SPATA6L: variants seen among roughly 807,000 people sequenced by gnomAD.
The protein encoded by SPATA6L is spermatogenesis associated 6-like protein.
Under a neutral mutation model 49.2 loss-of-function variants are expected in SPATA6L, and 68 were observed. That is an observed-to-expected ratio of 1.38 (90% CI 1.14 to 1.69). The LOEUF is 1.69. Among genes scored for constraint, SPATA6L ranks in the 40% most tolerant of loss-of-function variants. The pLI is 0.00. For missense variants in SPATA6L, 668 were observed against 464.3 expected, an observed-to-expected ratio of 1.44 and a Z score of -4.03; for synonymous variants, 198 against 165.7, an observed-to-expected ratio of 1.19 and a Z score of -1.50.
rs1822686116 is a variant in SPATA6L, at chr9:4,599,294, G to A, written c.*1517C>T. 6.6e-6 allele frequency among the ~76,000 whole-genome samples: 1 copy of A among 152,098 alleles called. No individual in the cohort carries two copies. The highest frequency in any genetic ancestry group is 2.1e-4 in the South Asian group (1 of 4,820). On this transcript the variant is annotated 3_prime_UTR_variant, in exon 12 of 12. Transcript: ENST00000682582. ...ATTTTTAGATTGGGAGGTTCAACTT[G>A]GATATACCTTTATTTGGCTGAAATT... is the stretch of plus-strand genomic sequence containing the variant.
At chr9:4,614,368 G>C (rs1474485147) in intron 9 of SPATA6L, among the ~76,000 whole-genome samples, 1 of 152,160 alleles carries the variant, frequency 6.6e-6, no homozygotes, top group Non-Finnish European at 1.5e-5. Context: ...ACTGACTTCA[G>C]TATTAAGTTA....
In SPATA6L at chr9:4,655,935, T is replaced by C; in HGVS notation, c.226+106A>G. ...ACGTAGGCTGTCTTGAAATAAATAT[T>C]CATCAAACATGAACATATCACAGTT... is the stretch of plus-strand genomic sequence containing the variant. On this transcript the variant is annotated intron_variant, in intron 3 of 11. Coordinates refer to ENST00000682582, the MANE Select transcript of SPATA6L (RefSeq NM_001353486.2). 5.8e-6 allele frequency: 5 copies of C among 862,932 alleles called. No individual in the cohort carries two copies. The South Asian group carries it at 7.9e-5, about 14-fold the overall frequency. 53.5% of individuals were successfully genotyped at this position (862,932 alleles called of 1,614,324 possible). A position where few individuals can be genotyped will look rare whatever the true frequency, so the allele number is the denominator to read the frequency against.
chr9:4,592,573 C>T (rs1019023181), intron 13 of SPATA6L, among the ~76,000 whole-genome samples: 1 of 152,212 alleles, frequency 6.6e-6, no homozygotes, highest in East Asian at 1.9e-4. Flanking sequence ...TGTCACTGTT[C>T]TTCACCAGGC....
Position 4,635,391 on chromosome 9 carries a change from C to T in SPATA6L, c.235G>A (p.Glu79Lys). 1 of 1,580,192 alleles carries T rather than the reference C, an allele frequency of 6.3e-7. No individual in the cohort carries two copies. Among genetic ancestry groups the T allele is most frequent in the Non-Finnish European group, 8.5e-7 (1 of 1,169,768 alleles). ...AVVDLLEMWD[E>K]LAYYEENTRD... ...GTGTTTTCTTCGTAGTAGGCCAACT[C>T]ATCCCACACTAGAAAGAAAATAGAA... Residue 79 changes from glutamate (E) to lysine (K), a missense_variant, in exon 4 of 12, where the codon GAG becomes AAG. By Grantham distance (56) the Glu-to-Lys change is moderately conservative. Coordinates refer to ENST00000682582, the MANE Select transcript of SPATA6L (RefSeq NM_001353486.2).
downstream of SPATA6L, among the ~76,000 whole-genome samples, chr9:4,594,039 C>G (rs1005983769): frequency 2.4e-4 from 37 of 152,220 alleles, no homozygotes; most frequent in African/African-American, 8.4e-4. Context: ...TACAGCTGCC[C>G]TTGGTTTCTC....
At chr9:4,610,903 C>A (rs1157544370) in intron 9 of SPATA6L, among the ~76,000 whole-genome samples, 1 of 149,694 alleles carries the variant, frequency 6.7e-6, no homozygotes, top group Non-Finnish European at 1.5e-5. Flanking sequence ...ACTCATCTGA[C>A]AAAGGGCTAA....
chr9:4,638,219 A>T (rs1032087268), intron 3 of SPATA6L, among the ~76,000 whole-genome samples: 1 of 121,190 alleles, frequency 8.3e-6, no homozygotes, highest in Non-Finnish European at 1.6e-5. Context: ...TATTATTATT[A>T]TTATTTTTTG....
chr9:4,662,261 C>G lies in SPATA6L; in HGVS notation c.40-225G>C. The G allele has an allele frequency of 7.0e-7, 1 of 1,434,336 alleles. No homozygotes were observed. The highest frequency in any genetic ancestry group is 9.1e-7 in the Non-Finnish European group (1 of 1,099,640). The allele number at this position is 1,434,336 out of a possible 1,614,324, so 88.9% of individuals were successfully genotyped here. On this transcript the variant is annotated intron_variant, in intron 1 of 11. Coordinates refer to ENST00000682582, the MANE Select transcript of SPATA6L (RefSeq NM_001353486.2). This position sits in a 1 kb window ranked among gnomAD's most constrained non-coding sequence, Gnocchi z 4.9. ...CCACCAGGTGTCACAATCGCGCTCTCGCCGGCTCCTCTCCCCGCCCCTCCG... is the reference window on the plus strand; with the variant it reads ...CCACCAGGTGTCACAATCGCGCTCTGGCCGGCTCCTCTCCCCGCCCCTCCG...
intron 3 of SPATA6L, among the ~76,000 whole-genome samples, chr9:4,638,423 G>A (rs1222387967): frequency 6.6e-6 from 1 of 152,164 alleles, no homozygotes; most frequent in Non-Finnish European, 1.5e-5. Context: ...ACGTTGGCCA[G>A]GCTGCTCTGA....
At chr9:4,647,792 A>T (rs750573435) in intron 3 of SPATA6L, among the ~76,000 whole-genome samples, 4 of 152,014 alleles carry the variant, frequency 2.6e-5, no homozygotes, top group Non-Finnish European at 5.9e-5. Flanking sequence ...AAAATCAATA[A>T]AGATAATTCT....
downstream of SPATA6L, among the ~76,000 whole-genome samples, chr9:4,597,378 G>A (rs188305273): frequency 7.9e-5 from 12 of 151,168 alleles, no homozygotes; most frequent in East Asian, 1.9e-4. Context: ...ACGGTGGGGC[G>A]TGGGGGGTGA....
At position 4,607,646 on chromosome 9, in the gene SPATA6L, G is replaced by A. The variant is rs1466243083; in HGVS notation, c.996-2206C>T. 4.9e-4 allele frequency among the ~76,000 whole-genome samples: 74 copies of A among 151,896 alleles called. No homozygotes were observed. In the East Asian group the frequency reaches 5.8e-3, roughly 12 times the overall value. On this transcript the variant is annotated intron_variant, in intron 9 of 11. Transcript: ENST00000682582. ...CCCTAAAAGAGCTCCTGAAGGAAGC[G>A]CTAAACATGGAAAGGAACAACCGGT...
In SPATA6L at chr9:4,617,937, G is replaced by C. The variant is rs766221212; in HGVS notation, c.981C>G (p.Pro327=). Residue 327 remains proline, a synonymous_variant, in exon 9 of 12, where the codon CCC becomes CCG. Coordinates refer to ENST00000682582, the MANE Select transcript of SPATA6L (RefSeq NM_001353486.2). ...HSTSPGPLDQ[P]LLRERFHPGS... Reference sequence around the variant, plus strand: ...TTGCCACTGACCTTTCTCTGAGAAGGGGCTGATCCAAGGGGCCAGGAGAGG... The same window carrying C: ...TTGCCACTGACCTTTCTCTGAGAAGCGGCTGATCCAAGGGGCCAGGAGAGG... 1.2e-6 allele frequency: 2 copies of C among 1,612,358 alleles called. No individual in the cohort carries two copies. The highest frequency in any genetic ancestry group is 1.3e-5 in the African/African-American group (1 of 74,858).
At chr9:4,619,942 G>A (rs968715763) in intron 7 of SPATA6L, among the ~76,000 whole-genome samples, 1 of 152,126 alleles carries the variant, frequency 6.6e-6, no homozygotes, top group African/African-American at 2.4e-5. Context: ...CAATTCTAAG[G>A]TCAGCATGGC....
In SPATA6L at chr9:4,629,767, G is replaced by A. The variant is rs865833042; in HGVS notation, c.352-599C>T. On this transcript the variant is annotated intron_variant, in intron 4 of 11. Coordinates refer to ENST00000682582, the MANE Select transcript of SPATA6L (RefSeq NM_001353486.2). ...TTGTGTTTTATATATGTGTGTGTGT[G>A]TGTATATATATATATATATATATAT... Among the ~76,000 whole-genome samples the A allele has an allele frequency of 3.5e-4, 31 of 88,890 alleles. No homozygotes were observed. The East Asian group carries it at 5.5e-3, about 16-fold the overall frequency. The allele number at this position is 88,890 out of a possible 152,430, so 58.3% of individuals were successfully genotyped here.
intron 4 of SPATA6L, among the ~76,000 whole-genome samples, chr9:4,634,248 G>A (rs1173106572): frequency 6.6e-6 from 1 of 152,058 alleles, no homozygotes; most frequent in Non-Finnish European, 1.5e-5. Flanking sequence ...ATCTTCTGAA[G>A]AGCAATATCC....
At chr9:4,627,886 A>C in intron 5 of SPATA6L, 1 of 1,015,686 alleles carries the variant, frequency 9.8e-7, no homozygotes. Context: ...TGAATGGATA[A>C]AGAAATTATA....
At chr9:4,602,670 C>T (rs1217855008) in intron 11 of SPATA6L, among the ~76,000 whole-genome samples, 1 of 152,176 alleles carries the variant, frequency 6.6e-6, no homozygotes, top group Non-Finnish European at 1.5e-5. Flanking sequence ...AGGCCAATGC[C>T]CACGAACTCT....
intron 9 of SPATA6L, among the ~76,000 whole-genome samples, chr9:4,607,313 G>C (rs891005368): frequency 2.0e-5 from 3 of 151,974 alleles, no homozygotes; most frequent in African/African-American, 4.8e-5. Context: ...GATACTCCTC[G>C]AGAAGAGCAA....
Sources: allele counts gnomAD v4.1 joint callset (sites outside exome capture counted in the v4.1 genomes callset), GRCh38; gene constraint gnomAD v4.1.1; non-coding constraint Gnocchi (gnomAD v3.1); transcripts MANE v1.5; gene names NCBI Gene and HGNC (gene_info 2026-07-23, HGNC 2026-07-21).